DNAH9: variants seen among roughly 807,000 people sequenced by gnomAD.
DNAH9 encodes the protein dynein axonemal heavy chain 9.
In DNAH9, 345 loss-of-function variants were observed where a neutral mutation model predicts 471.6. The observed-to-expected ratio is 0.73, with a 90% CI of 0.67 to 0.80. The LOEUF (loss-of-function observed/expected upper bound fraction) is 0.80, where lower values mean the gene tolerates loss of function less well. Among genes scored for constraint, DNAH9 ranks in the 30% least tolerant of loss-of-function variants. The pLI is 0.00. For synonymous variants in DNAH9, 2,093 were observed against 2,123.6 expected, an observed-to-expected ratio of 0.99 and a Z score of 0.40; for missense variants, 5,407 against 5,609.2, an observed-to-expected ratio of 0.96 and a Z score of 1.15.
chr17:11,633,539 C>A (rs1465397202), intron 8 of DNAH9, among the ~76,000 whole-genome samples: 2 of 152,196 alleles, frequency 1.3e-5, no homozygotes, highest in Non-Finnish European at 2.9e-5. Flanking sequence ...AACCCAAATG[C>A]GGCAGGCTCC....
chr17:11,830,657 G>A (rs4534890), intron 48 of DNAH9, among the ~76,000 whole-genome samples: 48,606 of 151,950 alleles, frequency 0.32, 7,948 homozygotes, highest in East Asian at 0.44. Flanking sequence ...ACATGATGTC[G>A]TTATCAAGAC....
At chr17:11,843,452 T>C (rs1308510040) in intron 49 of DNAH9, among the ~76,000 whole-genome samples, 1 of 152,106 alleles carries the variant, frequency 6.6e-6, no homozygotes, top group African/African-American at 2.4e-5. Flanking sequence ...TGAAGGATAT[T>C]TTAAAAGATA....
intron 48 of DNAH9, among the ~76,000 whole-genome samples, chr17:11,824,417 T>C (rs534528037): frequency 6.6e-6 from 1 of 152,300 alleles, no homozygotes; most frequent in African/African-American, 2.4e-5. Context: ...TCTGTACACA[T>C]AGATTTTCTT....
chr17:11,800,452 G>C (rs1024096031), intron 43 of DNAH9, among the ~76,000 whole-genome samples: 8 of 151,138 alleles, frequency 5.3e-5, no homozygotes, highest in Non-Finnish European at 1.2e-4. Flanking sequence ...ATATGCATCA[G>C]CATACAAACA....
At chr17:11,635,988 G>T (rs1317795524) in intron 8 of DNAH9, among the ~76,000 whole-genome samples, 33 of 126,690 alleles carry the variant, frequency 2.6e-4, no homozygotes, top group African/African-American at 5.0e-4. Flanking sequence ...TGTTTTTTTT[G>T]TTTGTTTATT....
intron 19 of DNAH9, among the ~76,000 whole-genome samples, chr17:11,686,724 A>C (rs559719407): frequency 6.6e-6 from 1 of 152,336 alleles, no homozygotes; most frequent in Admixed American, 6.5e-5. Flanking sequence ...TACTTGAGGA[A>C]CCAACATCGA....
rs553810437 is a variant in DNAH9, at chr17:11,654,507, C to A, written c.2595+1505C>A. On this transcript the variant is annotated intron_variant, in intron 14 of 68. Transcript: ENST00000262442. ...AGAATGAGAAAAAATTCAGACAAAT[C>A]ACAAAATCAGTGAGACAAGCACAGT... Among the ~76,000 whole-genome samples the A allele has an allele frequency of 4.6e-5, 7 of 151,858 alleles. No individual in the cohort carries two copies. The South Asian group carries it at 8.3e-4, about 18-fold the overall frequency.
chr17:11,803,441 A>G (rs891206850), intron 43 of DNAH9, among the ~76,000 whole-genome samples: 11 of 152,042 alleles, frequency 7.2e-5, no homozygotes, highest in African/African-American at 2.7e-4. Context: ...CCAATAAATC[A>G]ACTTCCTCCA....
chr17:11,888,076 G>A (rs1386654284), intron 57 of DNAH9, among the ~76,000 whole-genome samples: 3 of 151,288 alleles, frequency 2.0e-5, no homozygotes, highest in South Asian at 4.2e-4. Context: ...TCTGCCTCCC[G>A]GGTTGAGGCC....
intron 14 of DNAH9, among the ~76,000 whole-genome samples, chr17:11,657,430 C>T (rs921796378): frequency 7.9e-5 from 12 of 152,032 alleles, no homozygotes; most frequent in African/African-American, 2.4e-4. Context: ...TTCTAGCAAT[C>T]GTTTACAGCT....
intron 67 of DNAH9, among the ~76,000 whole-genome samples, chr17:11,949,420 G>T (rs569603347): frequency 6.6e-6 from 1 of 151,906 alleles, no homozygotes; most frequent in South Asian, 2.1e-4. Context: ...CAGGCCAGAG[G>T]AGTTTAGGAA....
chr17:11,923,546 G>C (rs909748286), intron 61 of DNAH9, among the ~76,000 whole-genome samples: 5 of 152,032 alleles, frequency 3.3e-5, no homozygotes, highest in Non-Finnish European at 7.4e-5. Context: ...CTCCTGACCT[G>C]GTGATCCGCT....
intron 19 of DNAH9, among the ~76,000 whole-genome samples, chr17:11,684,350 T>G (rs1431464498): frequency 1.3e-5 from 2 of 152,172 alleles, no homozygotes; most frequent in African/African-American, 4.8e-5. Context: ...AAATTTCAGC[T>G]CCTCCTTTAG....
chr17:11,781,007 A>T lies in DNAH9; in HGVS notation c.7553-2A>T. 6.2e-7 allele frequency: 1 copy of T among 1,613,496 alleles called. No homozygotes were observed. The highest frequency in any genetic ancestry group is 8.5e-7 in the Non-Finnish European group (1 of 1,179,730). On this transcript the variant is annotated splice_acceptor_variant, in intron 38 of 68. Transcript: ENST00000262442. LOFTEE classifies it high-confidence loss of function. Reference sequence around the variant, plus strand: ...TCCCTCACCGACTGGCTCTCTCCCCAGCTGTCCTGGAGAAGCCTCTGGAAA... The same window carrying T: ...TCCCTCACCGACTGGCTCTCTCCCCTGCTGTCCTGGAGAAGCCTCTGGAAA...
chr17:11,935,392 A>G (rs1166045977), intron 65 of DNAH9, among the ~76,000 whole-genome samples: 1 of 111,646 alleles, frequency 9.0e-6, no homozygotes, highest in Non-Finnish European at 1.9e-5. Flanking sequence ...TTTTTTTTTT[A>G]TAAGACGGAG....
At chr17:11,856,433 C>T (rs1220974685) in intron 50 of DNAH9, among the ~76,000 whole-genome samples, 1 of 152,016 alleles carries the variant, frequency 6.6e-6, no homozygotes, top group Non-Finnish European at 1.5e-5. Flanking sequence ...GGTGCAGTGG[C>T]TCATGCCTGT....
intron 59 of DNAH9, among the ~76,000 whole-genome samples, chr17:11,898,560 A>G (rs1973298098): frequency 6.6e-6 from 1 of 152,188 alleles, no homozygotes; most frequent in Non-Finnish European, 1.5e-5. Context: ...TTTCTTCAAT[A>G]TATATTTTGG....
chr17:11,880,031 T>C (rs979331262), intron 53 of DNAH9, 47 bp from the exon 54 acceptor site: 3 of 1,608,998 alleles, frequency 1.9e-6, no homozygotes, highest in Admixed American at 1.7e-5. Context: ...CTCAACTCCA[T>C]AGCTTGCCAC....
intron 43 of DNAH9, among the ~76,000 whole-genome samples, chr17:11,798,153 G>T (rs556474486): frequency 1.3e-5 from 2 of 152,176 alleles, no homozygotes; most frequent in Admixed American, 1.3e-4. Context: ...AATGAGATAG[G>T]CTGGACAGGA....
Sources: allele counts gnomAD v4.1 joint callset (sites outside exome capture counted in the v4.1 genomes callset), GRCh38; gene constraint gnomAD v4.1.1; transcripts MANE v1.5; gene names NCBI Gene and HGNC (gene_info 2026-07-23, HGNC 2026-07-21).